The following AKR1C3 variants were observed in gnomAD, a reference collection of about 807,000 sequenced individuals.
The protein encoded by AKR1C3 is 3-alpha hydroxysteroid dehydrogenase, type II.
In AKR1C3, 48 loss-of-function variants were observed where a neutral mutation model predicts 43.6. The observed-to-expected ratio is 1.10, with a 90% confidence interval of 0.87 to 1.40. The LOEUF (loss-of-function observed/expected upper bound fraction) is 1.40. Ranked by LOEUF, AKR1C3 falls within the 40% of genes most tolerant of loss-of-function variation. AKR1C3 has a pLI of 0.00. For missense variants in AKR1C3, 482 were observed against 391.2 expected, an observed-to-expected ratio of 1.23 and a Z score of -1.96; for synonymous variants, 162 against 139.6, an observed-to-expected ratio of 1.16 and a Z score of -1.13.
intron 4 of AKR1C3, 37 bp from the exon 5 acceptor site, chr10:5,099,290 C>A: frequency 6.2e-7 from 1 of 1,613,398 alleles, no homozygotes; most frequent in Non-Finnish European, 8.5e-7. Flanking sequence ...TTGCAGCCAA[C>A]TGCACAAATA....
chr10:5,075,719 A>G (rs1458530333), intron 1 of AKR1C3, among the ~76,000 whole-genome samples: 1 of 152,148 alleles, frequency 6.6e-6, no homozygotes, highest in African/African-American at 2.4e-5. Flanking sequence ...TACTAAAAAT[A>G]CAAAATTAGC....
At chr10:5,076,212 A>G (rs1554781834) in intron 1 of AKR1C3, among the ~76,000 whole-genome samples, 1 of 152,200 alleles carries the variant, frequency 6.6e-6, no homozygotes, top group African/African-American at 2.4e-5. Flanking sequence ...CCTACTTGCT[A>G]TGGTTTGATG....
intron 1 of AKR1C3, among the ~76,000 whole-genome samples, chr10:5,055,863 T>C (rs1168584916): frequency 5.3e-5 from 8 of 152,188 alleles, no homozygotes; most frequent in African/African-American, 1.7e-4. Flanking sequence ...TGGGGATCCA[T>C]AGTCGGCAAA....
At chr10:5,097,708 A>C (rs1839243856) in intron 3 of AKR1C3, 158 bp downstream of exon 3, 1 of 1,469,516 alleles carries the variant, frequency 6.8e-7, no homozygotes, top group African/African-American at 1.4e-5. Flanking sequence ...CTTTCGAGTA[A>C]ATTTTGAATC....
At chr10:5,073,256 C>T (rs868924909) in intron 1 of AKR1C3, among the ~76,000 whole-genome samples, 3 of 152,094 alleles carry the variant, frequency 2.0e-5, no homozygotes, top group Admixed American at 1.3e-4. Context: ...GCCACTGCAC[C>T]CAGCCCTAAT....
At chr10:5,060,629 G>A (rs1838363568) in intron 1 of AKR1C3, among the ~76,000 whole-genome samples, 1 of 151,020 alleles carries the variant, frequency 6.6e-6, no homozygotes, top group Non-Finnish European at 1.5e-5. Flanking sequence ...GCTTCACTCA[G>A]TGGATCCCAC....
chr10:5,102,465 C>T lies in AKR1C3; in HGVS notation c.681-20C>T. On this transcript the variant is annotated intron_variant, in intron 6 of 8. Transcript: ENST00000380554. ...CTATCGCCAGCCTCAGGGCCTCAGC[C>T]TTTCTGCCTTTCCTTCCAGGGTGGA... is the stretch of plus-strand genomic sequence containing the variant. The T allele has an allele frequency of 6.7e-7, 1 of 1,489,710 alleles. No individual in the cohort carries two copies. Among genetic ancestry groups the T allele is most frequent in the Non-Finnish European group, 9.0e-7 (1 of 1,108,534 alleles). 92.3% of individuals were successfully genotyped at this position (1,489,710 alleles called of 1,614,324 possible). A position where few individuals can be genotyped will look rare whatever the true frequency, so the allele number is the denominator to read the frequency against.
intron 1 of AKR1C3, among the ~76,000 whole-genome samples, chr10:5,075,766 C>T (rs1292404606): frequency 1.3e-5 from 2 of 151,858 alleles, no homozygotes; most frequent in African/African-American, 4.8e-5. Context: ...CCCACCTACT[C>T]GGGAGGCTGA....
intron 1 of AKR1C3, among the ~76,000 whole-genome samples, chr10:5,085,521 T>C (rs1412867238): frequency 1.3e-5 from 2 of 151,866 alleles, no homozygotes; most frequent in African/African-American, 4.9e-5. Context: ...ATCAGGGACA[T>C]TGGTCTAAAA....
chr10:5,106,990 A>G lies in AKR1C3; in HGVS notation c.930-471A>G, dbSNP rs1238424509. ...AATTCTTATCATCCATTAAAAATGT[A>G]ATAAGTTGGTGTTTATCTGTTCCTT... On this transcript the variant is annotated intron_variant, in intron 8 of 8. Transcript: ENST00000380554. 2.0e-5 allele frequency among the ~76,000 whole-genome samples: 3 copies of G among 152,184 alleles called. No individual in the cohort carries two copies. In the South Asian group the frequency reaches 6.2e-4, roughly 31 times the overall value.
At chr10:5,051,085 G>T (rs552251180) in intron 1 of AKR1C3, among the ~76,000 whole-genome samples, 6,005 of 152,194 alleles carry the variant, frequency 0.039, 404 homozygotes, top group African/African-American at 0.14. Flanking sequence ...GACTGTGTGT[G>T]TGTTTTGTTT....
intron 1 of AKR1C3, among the ~76,000 whole-genome samples, chr10:5,052,651 C>A (rs562755609): frequency 6.6e-5 from 10 of 151,950 alleles, no homozygotes; most frequent in South Asian, 2.1e-4. Flanking sequence ...TGTTTATAAA[C>A]CTCGAGCTAG....
intron 7 of AKR1C3, among the ~76,000 whole-genome samples, chr10:5,104,975 G>C (rs11252947): frequency 0.26 from 39,630 of 151,882 alleles, 5,397 homozygotes; most frequent in Middle Eastern, 0.37. Context: ...ATCACTATTA[G>C]AGTGATTTAG....
intron 1 of AKR1C3, among the ~76,000 whole-genome samples, chr10:5,076,053 T>C (rs1554781816): frequency 6.6e-6 from 1 of 152,148 alleles, no homozygotes; most frequent in Non-Finnish European, 1.5e-5. Flanking sequence ...CCCAGGATCC[T>C]TTTAGCAACC....
chr10:5,080,383 G>C (rs958393421), intron 1 of AKR1C3, among the ~76,000 whole-genome samples: 5 of 152,172 alleles, frequency 3.3e-5, no homozygotes, highest in African/African-American at 1.2e-4. Flanking sequence ...CAGCATGTTG[G>C]AAGGCTAAGG....
At chr10:5,054,267 G>A (rs1211535157) in intron 1 of AKR1C3, among the ~76,000 whole-genome samples, 1 of 152,226 alleles carries the variant, frequency 6.6e-6, no homozygotes, top group Non-Finnish European at 1.5e-5. Context: ...CTTGCAAACT[G>A]TCTGAGAAAT....
chr10:5,052,387 C>T (rs1838171182), intron 1 of AKR1C3, among the ~76,000 whole-genome samples: 1 of 152,184 alleles, frequency 6.6e-6, no homozygotes, highest in African/African-American at 2.4e-5. Flanking sequence ...GAGCAGGTTG[C>T]CACTGCTGGC....
chr10:5,072,012 A>G (rs1838619815), intron 1 of AKR1C3, among the ~76,000 whole-genome samples: 1 of 152,210 alleles, frequency 6.6e-6, no homozygotes, highest in African/African-American at 2.4e-5. Flanking sequence ...CATGTTAATC[A>G]GTACCCAGCT....
At position 5,052,719 on chromosome 10, in the gene AKR1C3, C is replaced by T. The variant is rs192437395; in HGVS notation, c.84+3824C>T. ...CTTAGCTAGAAACAAAGGTTCTCCA[C>T]GTCCGCACTAGATTAGCTAGATACA... On this transcript the variant is annotated intron_variant, in intron 1 of 8. Transcript: ENST00000439082. Among the ~76,000 whole-genome samples the T allele has an allele frequency of 2.1e-3, 311 of 151,648 alleles. 2 individuals are homozygous for T. The highest frequency in any genetic ancestry group is 6.4e-3 in the African/African-American group (265 of 41,302).
Sources: gnomAD v4.1 joint callset for allele counts (sites outside exome capture counted in the v4.1 genomes callset) on GRCh38, gnomAD v4.1.1 for gene constraint, MANE v1.5 for transcripts, NCBI Gene and HGNC (gene_info 2026-07-23, HGNC 2026-07-21) for gene names.